SENP6: variants seen among roughly 807,000 people sequenced by gnomAD.
The protein encoded by SENP6 is SUMO specific peptidase 6, also known as sentrin-specific protease 6.
Under a neutral mutation model 134.5 loss-of-function variants are expected in SENP6, and 41 were observed. The observed-to-expected ratio is 0.30, with a 90% CI of 0.24 to 0.40. The LOEUF (loss-of-function observed/expected upper bound fraction) is 0.40, where lower values mean the gene tolerates loss of function less well. Among genes scored for constraint, SENP6 ranks in the 10% least tolerant of loss-of-function variants. The probability of loss-of-function intolerance (pLI) is 1.00; values close to 1 mark genes in which losing one functional copy is unlikely to be tolerated. For missense variants in SENP6, 1,248 were observed against 1,312.5 expected (o/e 0.95, Z 0.76); for synonymous variants, 395 against 429.8 (o/e 0.92, Z 1.00).
intron 16 of SENP6, among the ~76,000 whole-genome samples, chr6:75,694,350 T>C (rs1177917957): frequency 1.3e-5 from 2 of 152,254 alleles, no homozygotes; most frequent in Non-Finnish European, 2.9e-5. Context: ...TATTTTCTAT[T>C]TTCATAAAAA....
rs60567984 is a variant in SENP6 at position 75,626,189 on chromosome 6, A to G, written c.207+2229A>G. Among the ~76,000 whole-genome samples the G allele has an allele frequency of 9.4e-3, 1,432 of 151,718 alleles. 23 individuals carry two copies. Among genetic ancestry groups the G allele is most frequent in the African/African-American group, 0.033 (1,370 of 41,400 alleles). ...TAGTGAGGAATTGCATTTTATTTTC[A>G]TTTTAATTTTTATTATGTAAATTTT... On this transcript the variant is annotated intron_variant, in intron 3 of 23. Transcript: ENST00000447266.
At chr6:75,618,938 CTT>C (rs1030136255) in intron 1 of SENP6, among the ~76,000 whole-genome samples, 4 of 139,566 alleles carry the variant, frequency 2.9e-5, no homozygotes, top group Non-Finnish European at 4.7e-5. Context: ...ATTTCTGAAA[CTT>C]TTTTTTTTTC....
chr6:75,637,359 G>T (rs1561990938), intron 5 of SENP6, among the ~76,000 whole-genome samples: 1 of 152,146 alleles, frequency 6.6e-6, no homozygotes, highest in Non-Finnish European at 1.5e-5. Flanking sequence ...TATCTAAACA[G>T]AATGGTGAAG....
intron 3 of SENP6, among the ~76,000 whole-genome samples, chr6:75,624,459 C>T (rs965041319): frequency 6.6e-6 from 1 of 152,100 alleles, no homozygotes. Context: ...ACTGCTTTAT[C>T]AGGACAGGTC....
At chr6:75,636,433 C>T (rs1016611745) in intron 5 of SENP6, among the ~76,000 whole-genome samples, 6 of 152,050 alleles carry the variant, frequency 3.9e-5, no homozygotes, top group African/African-American at 1.2e-4. Flanking sequence ...GAGAGTTCTT[C>T]GGTTTTCTTC....
At chr6:75,700,930 A>G (rs538106195) in intron 18 of SENP6, among the ~76,000 whole-genome samples, 2 of 152,344 alleles carry the variant, frequency 1.3e-5, no homozygotes, top group South Asian at 2.1e-4. Context: ...ATCTAAATCC[A>G]TAGGGTACTA....
Position 75,602,505 on chromosome 6 carries a change from G to C in SENP6, c.-20G>C. ...GGTGTGGGCCATGGATTAAGAAGGA[G>C]GCGGCGTGGGAGGAGGAAGATGGCG... is the stretch of plus-strand genomic sequence containing the variant. On this transcript the variant is annotated 5_prime_UTR_variant, in exon 1 of 24. Coordinates refer to ENST00000447266, the MANE Select transcript of SENP6 (RefSeq NM_015571.4). The C allele has an allele frequency of 6.4e-7, 1 of 1,551,194 alleles. No individual in the cohort carries two copies. The highest frequency in any genetic ancestry group is 8.7e-7 in the Non-Finnish European group (1 of 1,146,904).
rs767431453 is a variant in SENP6 at position 75,663,208 on chromosome 6, T to C, written c.697-13T>C. On this transcript the variant is annotated splice_polypyrimidine_tract_variant and intron_variant, in intron 8 of 23. Coordinates refer to ENST00000447266, the MANE Select transcript of SENP6 (RefSeq NM_015571.4). Reference sequence around the variant, plus strand: ...AGACCAAATGCCAAAGTTGTGGTGTTCTTTTTTCTAAGGATTTGCAAAGAA... The same window carrying C: ...AGACCAAATGCCAAAGTTGTGGTGTCCTTTTTTCTAAGGATTTGCAAAGAA... The C allele has an allele frequency of 5.0e-6, 8 of 1,606,182 alleles. No individual in the cohort carries two copies. The East Asian group carries it at 1.8e-4, about 36-fold the overall frequency.
chr6:75,679,761 T>C (rs1773336624), intron 16 of SENP6: 1 of 152,246 alleles, frequency 6.6e-6, no homozygotes, highest in Non-Finnish European at 1.5e-5. Flanking sequence ...AATGGACATG[T>C]ATATGAAATA....
At chr6:75,705,350 GC>G (rs1167621617) in intron 19 of SENP6, among the ~76,000 whole-genome samples, 1 of 152,058 alleles carries the variant, frequency 6.6e-6, no homozygotes, top group African/African-American at 2.4e-5. Context: ...TTTGAGACCA[GC>G]CTGACCAACG....
chr6:75,682,950 T>C (rs539697235), intron 16 of SENP6, among the ~76,000 whole-genome samples: 1 of 152,336 alleles, frequency 6.6e-6, no homozygotes, highest in South Asian at 2.1e-4. Flanking sequence ...CAAATGGTAA[T>C]TCTAGTTCTA....
At chr6:75,606,619 T>C (rs1315043277) in intron 1 of SENP6, among the ~76,000 whole-genome samples, 2 of 152,192 alleles carry the variant, frequency 1.3e-5, no homozygotes, top group Admixed American at 6.5e-5. Flanking sequence ...CAATCAGTGG[T>C]GGATTGTTTA....
intron 6 of SENP6, among the ~76,000 whole-genome samples, chr6:75,644,686 T>C (rs1215897322): frequency 1.3e-5 from 2 of 152,292 alleles, no homozygotes; most frequent in East Asian, 3.9e-4. Flanking sequence ...TGTTTCGCCA[T>C]GTTGGCCAGT....
chr6:75,692,164 G>A (rs1489465042), intron 16 of SENP6, among the ~76,000 whole-genome samples: 1 of 151,878 alleles, frequency 6.6e-6, no homozygotes, highest in Non-Finnish European at 1.5e-5. Flanking sequence ...CCTCCCATAA[G>A]TTTTTGTGGT....
chr6:75,605,794 T>A (rs576065743), intron 1 of SENP6, among the ~76,000 whole-genome samples: 100 of 152,022 alleles, frequency 6.6e-4, no homozygotes, highest in African/African-American at 2.2e-3. Flanking sequence ...TATCTTTTTT[T>A]AAAAAAAAGT....
rs1775714044 is a variant in SENP6 at position 75,710,991 on chromosome 6, T to G, written c.2821-337T>G. Among the ~76,000 whole-genome samples, 3 of 152,200 alleles carry G rather than the reference T, an allele frequency of 2.0e-5. No homozygotes were observed. The South Asian group carries it at 6.2e-4, about 31-fold the overall frequency. ...TAGCTGTCTTAGCCAACAAACTAAATTTTTGTAAAAATAAACTAAAATCAG... is the reference window on the plus strand; with the variant it reads ...TAGCTGTCTTAGCCAACAAACTAAAGTTTTGTAAAAATAAACTAAAATCAG... On this transcript the variant is annotated intron_variant, in intron 20 of 23. Coordinates refer to ENST00000447266, the MANE Select transcript of SENP6 (RefSeq NM_015571.4).
At chr6:75,702,608 T>A (rs750275958) in intron 18 of SENP6, 37 bp from the exon 19 acceptor site, 1 of 1,495,060 alleles carries the variant, frequency 6.7e-7, no homozygotes, top group Admixed American at 2.3e-5. Flanking sequence ...TAAACTTTTC[T>A]AATAACATAT....
intron 8 of SENP6, among the ~76,000 whole-genome samples, chr6:75,661,890 A>G (rs988109014): frequency 6.6e-6 from 1 of 151,992 alleles, no homozygotes; most frequent in Admixed American, 6.6e-5. Context: ...CGTCTCTACT[A>G]AAAAAACAAA....
chr6:75,658,430 G>C (rs1771508589), intron 7 of SENP6, among the ~76,000 whole-genome samples: 1 of 152,018 alleles, frequency 6.6e-6, no homozygotes, highest in Non-Finnish European at 1.5e-5. Context: ...AGCTGTGTTT[G>C]TGCAGGTTAT....
Sources: allele counts gnomAD v4.1 joint callset (sites outside exome capture counted in the v4.1 genomes callset), GRCh38; gene constraint gnomAD v4.1.1; transcripts MANE v1.5; gene names NCBI Gene and HGNC (gene_info 2026-07-23, HGNC 2026-07-21).